Variants in FAM124A observed in about 807,000 individuals in gnomAD.
FAM124A encodes protein FAM124A.
FAM124A carries 23 observed loss-of-function variants against 24.5 expected under a neutral mutation model. The ratio of observed to expected loss-of-function variants is 0.94; its 90% confidence interval spans 0.68 to 1.33. The LOEUF is 1.33. FAM124A is among the 40% of genes most tolerant of loss of function. The probability of loss-of-function intolerance (pLI) is 0.00; values close to 1 mark genes in which losing one functional copy is unlikely to be tolerated. For synonymous variants in FAM124A, 287 were observed against 314.7 expected (o/e 0.91, Z 0.93); for missense variants, 623 against 722.8 (o/e 0.86, Z 1.58).
chr13:51,249,679 A>C (rs1954598986), intron 2 of FAM124A, among the ~76,000 whole-genome samples: 1 of 152,228 alleles, frequency 6.6e-6, no homozygotes, highest in South Asian at 2.1e-4. Flanking sequence ...TCGTGTCTAT[A>C]GATAACCTTT....
chr13:51,260,511 C>T (rs567805312), intron 3 of FAM124A, among the ~76,000 whole-genome samples: 10 of 152,334 alleles, frequency 6.6e-5, no homozygotes, highest in South Asian at 4.1e-4. Flanking sequence ...GTTAATTGCA[C>T]GCTTAATAGG....
chr13:51,261,355 A>C (rs573899856), intron 3 of FAM124A, among the ~76,000 whole-genome samples: 1 of 152,252 alleles, frequency 6.6e-6, no homozygotes, highest in South Asian at 2.1e-4. Flanking sequence ...CCCTGAAGGA[A>C]ATCGCTATTT....
intron 3 of FAM124A, among the ~76,000 whole-genome samples, chr13:51,257,459 C>G (rs1173735431): frequency 6.6e-6 from 1 of 152,078 alleles, no homozygotes; most frequent in Non-Finnish European, 1.5e-5. Flanking sequence ...TTTATCTTCA[C>G]CCTGTACACT....
chr13:51,262,924 C>A (rs1244965851), intron 3 of FAM124A, among the ~76,000 whole-genome samples: 1 of 152,256 alleles, frequency 6.6e-6, no homozygotes, highest in Non-Finnish European at 1.5e-5. Flanking sequence ...GCCACATGAC[C>A]AGCATCGACT....
At chr13:51,263,908 A>T (rs1250153092) in intron 3 of FAM124A, among the ~76,000 whole-genome samples, 1 of 152,226 alleles carries the variant, frequency 6.6e-6, no homozygotes, top group Non-Finnish European at 1.5e-5. Flanking sequence ...CAGAAAGAAA[A>T]ATGAACTTTT....
At chr13:51,240,782 G>C (rs968928531) in intron 2 of FAM124A, among the ~76,000 whole-genome samples, 2 of 152,184 alleles carry the variant, frequency 1.3e-5, no homozygotes, top group South Asian at 4.1e-4. Context: ...ATCTTGAGCT[G>C]CCGCCCTCAC....
intron 2 of FAM124A, among the ~76,000 whole-genome samples, chr13:51,241,092 C>G (rs1432615103): frequency 6.6e-6 from 1 of 152,222 alleles, no homozygotes; most frequent in Non-Finnish European, 1.5e-5. Context: ...AAAAGCCCAG[C>G]TCTTGCAACA....
chr13:51,282,035 G>C lies in FAM124A; in HGVS notation c.*779G>C, dbSNP rs1011723547. ...GCTTCTGAAGACCACTCCACTACCT[G>C]AATTTATTTGGATCACTGAGGAAGA... On this transcript the variant is annotated 3_prime_UTR_variant, in exon 4 of 4. Coordinates refer to ENST00000322475, the MANE Select transcript of FAM124A (RefSeq NM_001242312.2). 1 of 152,138 alleles carries C rather than the reference G, an allele frequency of 6.6e-6. No individual in the cohort carries two copies. Among genetic ancestry groups the C allele is most frequent in the Non-Finnish European group, 1.5e-5 (1 of 68,030 alleles). The allele number at this position is 152,138 out of a possible 1,614,324, so 9.4% of individuals were successfully genotyped here. A position where few individuals can be genotyped will look rare whatever the true frequency, so the allele number is the denominator to read the frequency against.
At chr13:51,233,558 G>A (rs1954401547) in intron 2 of FAM124A, among the ~76,000 whole-genome samples, 1 of 152,046 alleles carries the variant, frequency 6.6e-6, no homozygotes, top group Admixed American at 6.5e-5. Flanking sequence ...GGGTGGGGCG[G>A]GTAGGGGGAA....
intron 3 of FAM124A, among the ~76,000 whole-genome samples, chr13:51,275,930 G>A (rs1003846268): frequency 1.3e-5 from 2 of 152,290 alleles, no homozygotes; most frequent in Admixed American, 1.3e-4. Context: ...GCCAAATGAG[G>A]CTTCACAGCA....
chr13:51,236,529 A>T (rs1015829806), intron 2 of FAM124A, among the ~76,000 whole-genome samples: 1 of 152,272 alleles, frequency 6.6e-6, no homozygotes, highest in African/African-American at 2.4e-5. Flanking sequence ...TTAAGCAATT[A>T]CATTTGTGAT....
chr13:51,237,714 C>A (rs1252143957), intron 2 of FAM124A, among the ~76,000 whole-genome samples: 2 of 152,236 alleles, frequency 1.3e-5, no homozygotes, highest in East Asian at 3.8e-4. Flanking sequence ...TCTTCTGTGG[C>A]TTTTCCTTCA....
At chr13:51,239,363 A>G (rs141047340) in intron 2 of FAM124A, among the ~76,000 whole-genome samples, 259 of 152,318 alleles carry the variant, frequency 1.7e-3, no homozygotes, top group African/African-American at 5.9e-3. Context: ...GAGCATCTAT[A>G]TATTTATGTA....
In FAM124A at chr13:51,258,952, G is replaced by A. The variant is rs1000254609; in HGVS notation, c.834+6751G>A. On this transcript the variant is annotated intron_variant, in intron 3 of 3. Transcript: ENST00000322475. The surrounding 1 kb of genome is among the most constrained non-coding windows in gnomAD (Gnocchi z 4.2). ...GTTCCGGGGGCACTGGGGAGCCCCA[G>A]GGAGCAGAAGGCACAATGGCCTGGG... Among the ~76,000 whole-genome samples, 8 of 152,200 alleles carry A rather than the reference G, an allele frequency of 5.3e-5. No individual in the cohort carries two copies. The highest frequency in any genetic ancestry group is 1.9e-4 in the African/African-American group (8 of 41,454).
rs561194642 is a variant in FAM124A at position 51,234,076 on chromosome 13, C to G, written c.100+2697C>G. 3.3e-5 allele frequency among the ~76,000 whole-genome samples: 5 copies of G among 152,332 alleles called. No homozygotes were observed. The East Asian group carries it at 9.7e-4, about 29-fold the overall frequency. The stretch of plus-strand genomic sequence containing the variant: ...CATTCTGCCACTGCTGTCAGCCTCT[C>G]TCGACTCAGTGGCTTTTGAATGATT... On this transcript the variant is annotated intron_variant, in intron 2 of 3. Transcript: ENST00000322475.
In FAM124A at chr13:51,251,892, C is replaced by G; in HGVS notation, c.525C>G (p.Thr175=). 6.2e-7 allele frequency: 1 copy of G among 1,614,088 alleles called. No homozygotes were observed. Among genetic ancestry groups the G allele is most frequent in the South Asian group, 1.1e-5 (1 of 91,074 alleles). ...ACGGCAAGGAAATCGTGCGCTTCAC[C>G]GTCTACTGTCGCTACGACAACTATG... ...VHYGKEIVRF[T]VYCRYDNYAD... The change falls in exon 3 of 4, where the codon ACC becomes ACG. Residue 175 remains threonine, a synonymous_variant. Transcript: ENST00000322475. This position sits in a 1 kb window ranked among gnomAD's most constrained non-coding sequence, Gnocchi z 5.3.
intron 2 of FAM124A, among the ~76,000 whole-genome samples, chr13:51,235,075 G>GT (rs1954422047): frequency 7.3e-6 from 1 of 136,932 alleles, no homozygotes; most frequent in African/African-American, 2.5e-5. Context: ...GGATGGTTTG[G>GT]TTTTGTCTGG....
intron 3 of FAM124A, among the ~76,000 whole-genome samples, chr13:51,255,365 T>C (rs1339943494): frequency 6.6e-6 from 1 of 152,184 alleles, no homozygotes; most frequent in African/African-American, 2.4e-5. Flanking sequence ...TAAATTTAAA[T>C]TTCATTCCTC....
chr13:51,245,846 C>A (rs1954552327), intron 2 of FAM124A, among the ~76,000 whole-genome samples: 1 of 152,092 alleles, frequency 6.6e-6, no homozygotes, highest in South Asian at 2.1e-4. Flanking sequence ...TAAATGGTTG[C>A]TATTGTCTAA....
Sources: gnomAD v4.1 joint callset for allele counts (sites outside exome capture counted in the v4.1 genomes callset) on GRCh38, gnomAD v4.1.1 for gene constraint, Gnocchi (gnomAD v3.1) non-coding constraint, MANE v1.5 for transcripts, NCBI Gene and HGNC (gene_info 2026-07-23, HGNC 2026-07-21) for gene names.